Variants in MMP26 observed in about 807,000 individuals in gnomAD.
MMP26 encodes the protein matrix metallopeptidase 26.
MMP26 carries 33 observed loss-of-function variants against 31.0 expected under a neutral mutation model. That is an observed-to-expected ratio of 1.06 (90% CI 0.81 to 1.42). MMP26 has a LOEUF of 1.42. Ranked by LOEUF, MMP26 falls within the 40% of genes most tolerant of loss-of-function variation. The pLI, the probability that MMP26 is intolerant of heterozygous loss-of-function variation, is 0.00. For missense variants in MMP26, 347 were observed against 316.1 expected (o/e 1.10, Z -0.74); for synonymous variants, 122 against 114.9 (o/e 1.06, Z -0.40).
chr11:4,865,245 C>A (rs751296682), intron 2 of MMP26, among the ~76,000 whole-genome samples: 3 of 151,966 alleles, frequency 2.0e-5, no homozygotes, highest in Admixed American at 6.6e-5. Flanking sequence ...ATTTTTTCCT[C>A]TGCTTGATTA....
Position 4,916,825 on chromosome 11 carries a change from C to T in MMP26, c.-144-71243C>T, listed in dbSNP as rs557314052. On this transcript the variant is annotated intron_variant, in intron 2 of 7. Transcript: ENST00000380390. ...GTCCAGGAATCCAACTGCTGTGGAC[C>T]TAAGTGGCAGGAGAGGCTAAAGCAC... Among the ~76,000 whole-genome samples, 8 of 152,306 alleles carry T rather than the reference C, an allele frequency of 5.3e-5. No homozygotes were observed. In the South Asian group the frequency reaches 1.5e-3, roughly 28 times the overall value.
intron 2 of MMP26, among the ~76,000 whole-genome samples, chr11:4,858,504 C>T (rs1431586396): frequency 6.6e-6 from 1 of 152,070 alleles, no homozygotes; most frequent in Non-Finnish European, 1.5e-5. Flanking sequence ...ACCTAGGAAT[C>T]CAACTTACAA....
At chr11:4,836,878 A>G (rs1440166066) in intron 2 of MMP26, among the ~76,000 whole-genome samples, 1 of 150,972 alleles carries the variant, frequency 6.6e-6, no homozygotes, top group Admixed American at 6.6e-5. Context: ...CATACTGGCC[A>G]GGCTGGTCCC....
intron 2 of MMP26, among the ~76,000 whole-genome samples, chr11:4,817,349 A>C (rs71480727): frequency 0.1 from 15,243 of 152,192 alleles, 942 homozygotes; most frequent in Middle Eastern, 0.17. Flanking sequence ...TTTGGGAGGC[A>C]AAGGCTGGAG....
At chr11:4,823,749 G>T (rs1849543630) in intron 2 of MMP26, among the ~76,000 whole-genome samples, 1 of 152,158 alleles carries the variant, frequency 6.6e-6, no homozygotes, top group Non-Finnish European at 1.5e-5. Flanking sequence ...GTCTCAGATA[G>T]CATAACAACG....
At chr11:4,944,159 C>G (rs373342390) in intron 2 of MMP26, 61 of 451,820 alleles carry the variant, frequency 1.4e-4, no homozygotes, top group Admixed American at 5.6e-4. Flanking sequence ...AACATAGGAA[C>G]AGTTCTTGCC....
At chr11:4,746,831 T>TCACACATACACACACACACACA (rs1554929540) in intron 1 of MMP26, among the ~76,000 whole-genome samples, 1 of 137,116 alleles carries the variant, frequency 7.3e-6, no homozygotes, top group Middle Eastern at 3.4e-3. Context: ...TAAGTCTCTG[T>TCACACATACACACACACACACA]CACACACACA....
rs1200394056 is a variant in MMP26 at position 4,746,466 on chromosome 11, G to A, written c.-216-20804G>A. Among the ~76,000 whole-genome samples, 4 of 152,268 alleles carry A rather than the reference G, an allele frequency of 2.6e-5. No individual in the cohort carries two copies. The East Asian group carries it at 7.7e-4, about 29-fold the overall frequency. On this transcript the variant is annotated intron_variant, in intron 1 of 7. Coordinates refer to ENST00000380390, the MANE Select transcript of MMP26 (RefSeq NM_021801.5). ...AAGGCAAGAAGCTAGTCTTGTTCAT[G>A]TTTGTATTCTCAATATCCATCTCAC...
chr11:4,841,827 G>A (rs945487054), intron 2 of MMP26, among the ~76,000 whole-genome samples: 20 of 152,280 alleles, frequency 1.3e-4, no homozygotes, highest in African/African-American at 4.8e-4. Context: ...CAGCTACTCC[G>A]GAGGCTGAGG....
At chr11:4,816,513 T>TAAA (rs1554884906) in intron 2 of MMP26, among the ~76,000 whole-genome samples, 2 of 146,552 alleles carry the variant, frequency 1.4e-5, no homozygotes, top group East Asian at 2.0e-4. Flanking sequence ...GTGAGATAAT[T>TAAA]AAAAAAAAAA....
At chr11:4,795,961 G>C (rs1589903019) in intron 2 of MMP26, among the ~76,000 whole-genome samples, 1 of 151,942 alleles carries the variant, frequency 6.6e-6, no homozygotes, top group Non-Finnish European at 1.5e-5. Context: ...CTTTGAACTG[G>C]GGCCAGTTCT....
chr11:4,942,873 A>C (rs2595996), intron 2 of MMP26: 123,927 of 152,078 alleles, frequency 0.81, 50,662 homozygotes, highest in East Asian at 0.9. Context: ...ATTCAATTAA[A>C]TGGATTGGGT....
intron 2 of MMP26, among the ~76,000 whole-genome samples, chr11:4,844,900 A>G (rs893421042): frequency 5.3e-5 from 8 of 152,154 alleles, no homozygotes; most frequent in African/African-American, 1.9e-4. Flanking sequence ...TGGAAGTCCT[A>G]GCTAGAGTAT....
chr11:4,729,581 T>G (rs1460742660), intron 1 of MMP26, among the ~76,000 whole-genome samples: 1 of 152,132 alleles, frequency 6.6e-6, no homozygotes, highest in Non-Finnish European at 1.5e-5. Flanking sequence ...GCCTGCAAGG[T>G]TCAGCTCCTT....
At chr11:4,731,953 T>A (rs1015169280) in intron 1 of MMP26, among the ~76,000 whole-genome samples, 2 of 152,196 alleles carry the variant, frequency 1.3e-5, no homozygotes, top group Non-Finnish European at 2.9e-5. Context: ...TCTCTGTTCC[T>A]CCTGGATGTT....
intron 2 of MMP26, among the ~76,000 whole-genome samples, chr11:4,986,932 C>CCCTCTCTCTCTCTCTCTCTCT (rs1846903256): frequency 3.3e-5 from 2 of 60,408 alleles, no homozygotes; most frequent in Admixed American, 2.0e-4. Context: ...TCTCTCTCTC[C>CCCTCTCTCTCTCTCTCTCTCT]CTCTCTCTCT....
intron 2 of MMP26, chr11:4,937,619 C>G (rs1846146334): frequency 6.5e-6 from 1 of 152,692 alleles, no homozygotes; most frequent in Non-Finnish European, 1.5e-5. Flanking sequence ...ATTCCCAGTA[C>G]AGCCCTTAAA....
intron 2 of MMP26, among the ~76,000 whole-genome samples, chr11:4,808,168 G>C (rs535914573): frequency 6.6e-6 from 1 of 151,994 alleles, no homozygotes; most frequent in East Asian, 1.9e-4. Flanking sequence ...TGAGAAAACA[G>C]AGTTCAGACT....
At chr11:4,780,432 G>T (rs1848843234) in intron 2 of MMP26, among the ~76,000 whole-genome samples, 1 of 152,132 alleles carries the variant, frequency 6.6e-6, no homozygotes, top group South Asian at 2.1e-4. Flanking sequence ...AAAGTTGGAT[G>T]CATTTTCCTG....
Sources: gnomAD v4.1 joint callset for allele counts (sites outside exome capture counted in the v4.1 genomes callset) on GRCh38, gnomAD v4.1.1 for gene constraint, MANE v1.5 for transcripts, NCBI Gene and HGNC (gene_info 2026-07-23, HGNC 2026-07-21) for gene names.